The following EXOC4 variants were observed in gnomAD, a reference collection of about 807,000 sequenced individuals.
EXOC4 encodes SEC8-like 1.
EXOC4 carries 71 observed loss-of-function variants against 107.2 expected under a neutral mutation model. The ratio of observed to expected loss-of-function variants is 0.66; its 90% CI spans 0.55 to 0.81. The LOEUF is 0.81. EXOC4 is among the 30% of genes least tolerant of loss of function. The probability of loss-of-function intolerance (pLI) is 0.00; values close to 1 mark genes in which losing one functional copy is unlikely to be tolerated. For synonymous variants in EXOC4, 456 were observed against 441.2 expected, an observed-to-expected ratio of 1.03 and a Z score of -0.42; for missense variants, 1,108 against 1,189.6, an observed-to-expected ratio of 0.93 and a Z score of 1.01.
At chr7:133,420,087 AT>A (rs1470827862) in intron 7 of EXOC4, among the ~76,000 whole-genome samples, 1 of 145,994 alleles carries the variant, frequency 6.8e-6, no homozygotes, top group East Asian at 2.0e-4. Context: ...GTCATCTAGC[AT>A]TAGGTATATC....
At chr7:133,765,169 A>G (rs938017580) in intron 10 of EXOC4, among the ~76,000 whole-genome samples, 1 of 152,046 alleles carries the variant, frequency 6.6e-6, no homozygotes, top group Non-Finnish European at 1.5e-5. Context: ...TAAAGTAAGC[A>G]TACCTTTATT....
At chr7:133,435,326 CTCTG>C (rs2150781812) in intron 7 of EXOC4, among the ~76,000 whole-genome samples, 1 of 152,278 alleles carries the variant, frequency 6.6e-6, no homozygotes, top group South Asian at 2.1e-4. Context: ...TCTTCATACC[CTCTG>C]TCTTTTTTTT....
chr7:133,910,157 G>T (rs901598450), intron 12 of EXOC4, among the ~76,000 whole-genome samples: 2 of 152,024 alleles, frequency 1.3e-5, no homozygotes, highest in African/African-American at 2.4e-5. Flanking sequence ...CCTGACCTCA[G>T]GTGATCCACC....
Position 133,670,371 on chromosome 7 carries a change from C to G in EXOC4, c.1514+40230C>G, listed in dbSNP as rs1352093906. 5.3e-5 allele frequency among the ~76,000 whole-genome samples: 8 copies of G among 152,346 alleles called. No homozygotes were observed. In the South Asian group the frequency reaches 1.7e-3, roughly 32 times the overall value. ...CTCAAATGATATTATGTGAAAGATT[C>G]TGGCATTTCCTAGCTGCCTAGCCAG... On this transcript the variant is annotated intron_variant, in intron 10 of 17. Coordinates refer to ENST00000253861, the MANE Select transcript of EXOC4 (RefSeq NM_021807.4).
intron 17 of EXOC4, among the ~76,000 whole-genome samples, chr7:134,013,586 A>G (rs62462495): frequency 0.2 from 29,895 of 152,214 alleles, 3,056 homozygotes; most frequent in Admixed American, 0.28. Flanking sequence ...CAAATGTATC[A>G]TACTAATGTA....
At chr7:133,830,044 C>A (rs1053459609) in intron 11 of EXOC4, among the ~76,000 whole-genome samples, 4 of 152,048 alleles carry the variant, frequency 2.6e-5, no homozygotes, top group Non-Finnish European at 5.9e-5. Context: ...CTGTAGAGTC[C>A]AGAATACCCT....
chr7:133,610,335 G>C (rs1198892452), intron 9 of EXOC4, among the ~76,000 whole-genome samples: 1 of 152,134 alleles, frequency 6.6e-6, no homozygotes, highest in Non-Finnish European at 1.5e-5. Flanking sequence ...TGGACTTTCA[G>C]CTTTTCTTAG....
At chr7:133,500,587 T>C (rs1022808475) in intron 9 of EXOC4, among the ~76,000 whole-genome samples, 3 of 152,220 alleles carry the variant, frequency 2.0e-5, no homozygotes, top group Admixed American at 6.5e-5. Flanking sequence ...TTGTGAATAA[T>C]GCTGCCCTGA....
intron 7 of EXOC4, among the ~76,000 whole-genome samples, chr7:133,466,779 A>G (rs996901861): frequency 2.6e-5 from 4 of 152,190 alleles, no homozygotes; most frequent in African/African-American, 9.6e-5. Flanking sequence ...ATATTAGCAA[A>G]TTGAATGTAT....
chr7:133,590,283 T>A (rs914747377), intron 9 of EXOC4, among the ~76,000 whole-genome samples: 4 of 152,160 alleles, frequency 2.6e-5, no homozygotes, highest in South Asian at 2.1e-4. Context: ...TTCTATTTTT[T>A]AAATTAATTA....
chr7:133,355,344 T>C (rs1451351744), intron 5 of EXOC4, among the ~76,000 whole-genome samples: 1 of 152,158 alleles, frequency 6.6e-6, no homozygotes, highest in African/African-American at 2.4e-5. Flanking sequence ...TCACTTTTGC[T>C]TTTGTATATC....
At chr7:133,898,041 C>T (rs1273244803) in intron 12 of EXOC4, among the ~76,000 whole-genome samples, 2 of 133,392 alleles carry the variant, frequency 1.5e-5, no homozygotes, top group South Asian at 2.5e-4. Context: ...CCTCCAGCAA[C>T]CGCTGTTCTA....
At position 133,752,064 on chromosome 7, in the gene EXOC4, G is replaced by A. The variant is rs571963439; in HGVS notation, c.1515-65261G>A. 4.6e-5 allele frequency among the ~76,000 whole-genome samples: 7 copies of A among 152,176 alleles called. No individual in the cohort carries two copies. In the East Asian group the frequency reaches 9.6e-4, roughly 21 times the overall value. ...TAGTCCTAGCTACTTGGGAGAAAAA[G>A]GCAGGAGGATCTCAGGAGCCCAGGA... On this transcript the variant is annotated intron_variant, in intron 10 of 17. Transcript: ENST00000253861.
chr7:133,870,311 A>G (rs534721228), intron 11 of EXOC4, among the ~76,000 whole-genome samples: 6 of 152,318 alleles, frequency 3.9e-5, no homozygotes, highest in Admixed American at 3.9e-4. Context: ...AACAGATATC[A>G]TGGAAATCCA....
At chr7:133,316,143 A>AT (rs1491427339) in intron 4 of EXOC4, among the ~76,000 whole-genome samples, 1 of 152,166 alleles carries the variant, frequency 6.6e-6, no homozygotes, top group East Asian at 1.9e-4. Context: ...CTGAAAAAAC[A>AT]TGTTTGTTTT....
At chr7:133,561,208 C>T (rs1800798103) in intron 9 of EXOC4, among the ~76,000 whole-genome samples, 1 of 152,196 alleles carries the variant, frequency 6.6e-6, no homozygotes, top group South Asian at 2.1e-4. Context: ...CAAGCAAGCA[C>T]ATGGCTTTTT....
chr7:133,648,624 C>T (rs1416461959), intron 10 of EXOC4, among the ~76,000 whole-genome samples: 1 of 152,150 alleles, frequency 6.6e-6, no homozygotes, highest in Non-Finnish European at 1.5e-5. Context: ...ACTTAAAAGA[C>T]TGTTTGTTAG....
chr7:133,787,335 TTGTGTGTGTGTG>T (rs757017206), intron 10 of EXOC4, among the ~76,000 whole-genome samples: 10 of 113,924 alleles, frequency 8.8e-5, no homozygotes, highest in East Asian at 7.8e-4. Context: ...ATAGGCTAAT[TTGTGTGTGTGTG>T]TGTGTGTGTG....
intron 7 of EXOC4, among the ~76,000 whole-genome samples, chr7:133,428,519 A>G (rs1797778411): frequency 6.6e-6 from 1 of 152,196 alleles, no homozygotes; most frequent in Non-Finnish European, 1.5e-5. Context: ...ATTCTGTTCT[A>G]TTCTGTTCTG....
Sources: allele counts gnomAD v4.1 joint callset (sites outside exome capture counted in the v4.1 genomes callset), GRCh38; gene constraint gnomAD v4.1.1; transcripts MANE v1.5; gene names NCBI Gene and HGNC (gene_info 2026-07-23, HGNC 2026-07-21).